PSD3: variants seen among roughly 807,000 people sequenced by gnomAD.
PSD3 encodes the protein PH and SEC7 domain-containing protein 3.
A neutral mutation model predicts 105.5 loss-of-function variants in PSD3; 49 were observed. The observed-to-expected ratio is 0.46, with a 90% CI of 0.37 to 0.59. The LOEUF is 0.59. Ranked by LOEUF, PSD3 falls within the 20% of genes least tolerant of loss-of-function variation. PSD3 has a pLI of 0.00. For missense variants in PSD3, 1,561 were observed against 1,263.8 expected, an observed-to-expected ratio of 1.24 and a Z score of -3.57; for synonymous variants, 557 against 457.8, an observed-to-expected ratio of 1.22 and a Z score of -2.77.
chr8:18,718,097 C>G (rs1425029321), intron 9 of PSD3, among the ~76,000 whole-genome samples: 1 of 152,154 alleles, frequency 6.6e-6, no homozygotes, highest in Non-Finnish European at 1.5e-5. Context: ...TCACCCTGCC[C>G]TAGTGAGCCC....
At chr8:18,960,592 C>T (rs1823852965) in intron 1 of PSD3, among the ~76,000 whole-genome samples, 1 of 152,148 alleles carries the variant, frequency 6.6e-6, no homozygotes, top group Non-Finnish European at 1.5e-5. Flanking sequence ...TGCTTAGTGA[C>T]ATTGTTCACA....
chr8:18,750,415 G>A (rs554451006), intron 9 of PSD3, among the ~76,000 whole-genome samples: 6 of 152,110 alleles, frequency 3.9e-5, no homozygotes, highest in Middle Eastern at 3.4e-3. Context: ...GGAGTTGTTC[G>A]TTCCTCCCGG....
At chr8:18,728,007 C>T (rs984287088) in intron 9 of PSD3, among the ~76,000 whole-genome samples, 10 of 151,750 alleles carry the variant, frequency 6.6e-5, no homozygotes, top group African/African-American at 2.2e-4. Context: ...AGATCAATGC[C>T]TGAAGACTGG....
intron 9 of PSD3, among the ~76,000 whole-genome samples, chr8:18,695,972 C>T (rs1563178237): frequency 6.6e-6 from 1 of 152,216 alleles, no homozygotes; most frequent in East Asian, 1.9e-4. Context: ...CCTGGGTAGA[C>T]TCTGTGCTGA....
intron 12 of PSD3, among the ~76,000 whole-genome samples, chr8:18,592,689 AAAACAAAC>A (rs548763897): frequency 2.7e-5 from 4 of 145,526 alleles, no homozygotes; most frequent in Admixed American, 6.6e-5. Flanking sequence ...GGTGCTCAAA[AAAACAAAC>A]AAACAAACAA....
In PSD3 at chr8:18,600,584, T is replaced by A. The variant is rs12674836; in HGVS notation, c.2411-150A>T. The A allele has an allele frequency of 1.9e-5, 12 of 639,912 alleles. No homozygotes were observed. The African/African-American group carries it at 2.0e-4, about 11-fold the overall frequency. The allele number at this position is 639,912 out of a possible 1,614,324, so 39.6% of individuals were successfully genotyped here. On this transcript the variant is annotated intron_variant, in intron 11 of 15. Coordinates refer to ENST00000327040, the MANE Select transcript of PSD3 (RefSeq NM_015310.4). ...AACTAAAATTTTCTGAGCCTTATGG[T>A]GTACCAGGCGGCATTCTAAAATGTT...
At chr8:18,773,509 A>G (rs1807745018) in intron 8 of PSD3, among the ~76,000 whole-genome samples, 1 of 152,138 alleles carries the variant, frequency 6.6e-6, no homozygotes, top group African/African-American at 2.4e-5. Flanking sequence ...CATCTCTGGG[A>G]TAAATGTTAT....
intron 8 of PSD3, among the ~76,000 whole-genome samples, chr8:18,765,982 A>ACAC: frequency 6.6e-6 from 1 of 150,398 alleles, no homozygotes; most frequent in African/African-American, 2.4e-5. Flanking sequence ...AAAAAAACCA[A>ACAC]AAACAAAAAA....
Position 18,871,851 on chromosome 8 carries a change from G to C in PSD3, c.1013C>G (p.Ser338Cys). The change falls in exon 3 of 16, where the codon TCC becomes TGC. Residue 338 changes from serine to cysteine, a missense_variant. By Grantham distance (112) the Ser-to-Cys change is moderately radical. Coordinates refer to ENST00000327040, the MANE Select transcript of PSD3 (RefSeq NM_015310.4). ...RTASPDSKES[S>C]KVPRHLISSA... ...TGAGATGAGATGGCGTGGCACTTTGGAAGACTCTTTGCTGTCAGGAGAGGC... is the reference window on the plus strand; with the variant it reads ...TGAGATGAGATGGCGTGGCACTTTGCAAGACTCTTTGCTGTCAGGAGAGGC... The C allele has an allele frequency of 6.2e-7, 1 of 1,614,206 alleles. No individual in the cohort carries two copies. The highest frequency in any genetic ancestry group is 8.5e-7 in the Non-Finnish European group (1 of 1,180,036).
chr8:19,042,489 C>T (rs1488958419), intron 1 of PSD3, among the ~76,000 whole-genome samples: 2 of 152,164 alleles, frequency 1.3e-5, no homozygotes, highest in Non-Finnish European at 2.9e-5. Flanking sequence ...ATTGAAATAT[C>T]AAAAAACTTA....
chr8:18,879,790 G>A (rs1396589879), intron 2 of PSD3, among the ~76,000 whole-genome samples: 1 of 152,012 alleles, frequency 6.6e-6, no homozygotes, highest in Non-Finnish European at 1.5e-5. Flanking sequence ...TAGAGACGGG[G>A]TTTCCCTATG....
At chr8:18,771,693 G>C (rs150264223) in intron 8 of PSD3, among the ~76,000 whole-genome samples, 1 of 152,324 alleles carries the variant, frequency 6.6e-6, no homozygotes, top group East Asian at 1.9e-4. Context: ...ATACTGCAAT[G>C]ATCTAGCTGT....
intron 9 of PSD3, among the ~76,000 whole-genome samples, chr8:18,690,000 T>C (rs1800885082): frequency 6.6e-6 from 1 of 152,090 alleles, no homozygotes; most frequent in Non-Finnish European, 1.5e-5. Flanking sequence ...TTGAGGTTTC[T>C]TTTTTTCCTC....
intron 9 of PSD3, chr8:18,762,900 T>C (rs573548653): frequency 7.9e-7 from 1 of 1,262,264 alleles, no homozygotes; most frequent in East Asian, 5.6e-5. Flanking sequence ...TGGCTTATAC[T>C]TTTATTTCAA....
chr8:18,980,445 T>C (rs1282821305), intron 1 of PSD3, among the ~76,000 whole-genome samples: 2 of 152,098 alleles, frequency 1.3e-5, no homozygotes, highest in South Asian at 2.1e-4. Context: ...GTTGGGTTGG[T>C]TGGTTGGTTC....
chr8:18,916,349 T>TATATATACACACAC (rs1563416971), intron 2 of PSD3, among the ~76,000 whole-genome samples: 2 of 44,710 alleles, frequency 4.5e-5, no homozygotes, highest in Non-Finnish European at 8.2e-5. Context: ...TATATATATA[T>TATATATACACACAC]ACACACACAC....
chr8:19,031,170 G>A (rs909151541), intron 1 of PSD3, among the ~76,000 whole-genome samples: 1 of 152,114 alleles, frequency 6.6e-6, no homozygotes, highest in Non-Finnish European at 1.5e-5. Flanking sequence ...TCAGTGTCCA[G>A]CAAAACCAGG....
chr8:18,982,699 T>C (rs1382530111), intron 1 of PSD3, among the ~76,000 whole-genome samples: 1 of 152,180 alleles, frequency 6.6e-6, no homozygotes, highest in Non-Finnish European at 1.5e-5. Flanking sequence ...TATTCTGAAA[T>C]AAATATTCTT....
chr8:18,619,683 G>C (rs1805963882), intron 11 of PSD3, among the ~76,000 whole-genome samples: 2 of 151,634 alleles, frequency 1.3e-5, no homozygotes, highest in Admixed American at 6.6e-5. Flanking sequence ...GGCCATGTGA[G>C]GCAAAGGTGA....
Sources: allele counts gnomAD v4.1 joint callset (sites outside exome capture counted in the v4.1 genomes callset), GRCh38; gene constraint gnomAD v4.1.1; transcripts MANE v1.5; gene names NCBI Gene and HGNC (gene_info 2026-07-23, HGNC 2026-07-21).